Variants in RAB27B observed in about 807,000 individuals in gnomAD.
The protein encoded by RAB27B is RAB27B, member RAS oncogene family.
In RAB27B, 15 loss-of-function variants were observed where a neutral mutation model predicts 24.6. The observed-to-expected ratio is 0.61, with a 90% CI of 0.41 to 0.94. The LOEUF (loss-of-function observed/expected upper bound fraction) is 0.94, where lower values mean the gene tolerates loss of function less well. Among genes scored for constraint, RAB27B ranks in the 40% least tolerant of loss-of-function variants. The probability of loss-of-function intolerance (pLI) is 0.00; values close to 1 mark genes in which losing one functional copy is unlikely to be tolerated. For synonymous variants in RAB27B, 105 were observed against 92.5 expected, an observed-to-expected ratio of 1.14 and a Z score of -0.78; for missense variants, 261 against 266.8, an observed-to-expected ratio of 0.98 and a Z score of 0.15.
At chr18:54,823,956 C>T (rs1215931747), upstream of RAB27B, among the ~76,000 whole-genome samples, 5 of 146,074 alleles carry the variant, frequency 3.4e-5, no homozygotes, top group African/African-American at 1.3e-4. Flanking sequence ...TCCCCACAGG[C>T]AAACATTTGA....
chr18:54,797,475 C>T (rs1909460552), intron 2 of RAB27B, among the ~76,000 whole-genome samples: 1 of 152,166 alleles, frequency 6.6e-6, no homozygotes, highest in South Asian at 2.1e-4. Flanking sequence ...GAGATTGCAC[C>T]ACTGCACTCC....
At chr18:54,804,904 C>CTCTCTCTTTCTTTCTT (rs1555658012) in intron 2 of RAB27B, among the ~76,000 whole-genome samples, 33 of 48,018 alleles carry the variant, frequency 6.9e-4, no homozygotes, top group African/African-American at 1.4e-3. Context: ...CTTTCTCTCT[C>CTCTCTCTTTCTTTCTT]TCTTTCTTTC....
intron 2 of RAB27B, among the ~76,000 whole-genome samples, chr18:54,725,784 T>G (rs770137677): frequency 3.3e-5 from 5 of 151,548 alleles, no homozygotes; most frequent in Non-Finnish European, 7.4e-5. Context: ...ACCTGGTCTC[T>G]GTCACGACAT....
At chr18:54,755,358 C>G (rs1907969371) in intron 2 of RAB27B, among the ~76,000 whole-genome samples, 1 of 151,926 alleles carries the variant, frequency 6.6e-6, no homozygotes, top group Non-Finnish European at 1.5e-5. Flanking sequence ...CCAGTGCACT[C>G]CAACCTGGGC....
chr18:54,801,269 C>T (rs1212928966), intron 2 of RAB27B, among the ~76,000 whole-genome samples: 1 of 151,912 alleles, frequency 6.6e-6, no homozygotes, highest in Admixed American at 6.6e-5. Context: ...CCCATCTTGG[C>T]CTCCCAAAGT....
At chr18:54,810,689 G>T (rs1909932168) in intron 2 of RAB27B, among the ~76,000 whole-genome samples, 1 of 151,898 alleles carries the variant, frequency 6.6e-6, no homozygotes, top group African/African-American at 2.4e-5. Context: ...AATTAGCTGG[G>T]TGTGGTGGCG....
chr18:54,738,933 C>T (rs1909985017), intron 2 of RAB27B, among the ~76,000 whole-genome samples: 1 of 152,140 alleles, frequency 6.6e-6, no homozygotes, highest in Non-Finnish European at 1.5e-5. Flanking sequence ...TATCACCCCC[C>T]AAATTTCCCT....
chr18:54,769,841 A>G (rs977546766), intron 2 of RAB27B, among the ~76,000 whole-genome samples: 3 of 152,130 alleles, frequency 2.0e-5, no homozygotes, highest in Admixed American at 6.6e-5. Flanking sequence ...GAATTTAAAT[A>G]CAACTGTTAT....
At chr18:54,834,681 ATG>A (rs1555661319) in intron 1 of RAB27B, among the ~76,000 whole-genome samples, 6 of 150,028 alleles carry the variant, frequency 4.0e-5, no homozygotes, top group South Asian at 2.1e-4. Context: ...GTGTATATAT[ATG>A]TGTGTGTGTG....
rs9807275 is a variant in RAB27B at position 54,801,372 on chromosome 18, A to T, written c.-19-76195A>T. 3.3e-3 allele frequency among the ~76,000 whole-genome samples: 502 copies of T among 151,916 alleles called. 3 individuals carry two copies. The highest frequency in any genetic ancestry group is 0.011 in the African/African-American group (451 of 41,458). On this transcript the variant is annotated intron_variant, in intron 2 of 4. Coordinates refer to the RAB27B transcript ENST00000586570. The stretch of plus-strand genomic sequence containing the variant: ...TCTAAAATTCATCTTCAACATTTAT[A>T]AAAAAAACTATAAAACTGATTTACA...
chr18:54,850,333 G>GACATATAT lies in RAB27B; in HGVS notation c.-20+21634_-20+21635insCATATATA, dbSNP rs869079784. 2.8e-3 allele frequency among the ~76,000 whole-genome samples: 266 copies of GACATATAT among 95,068 alleles called. 10 individuals are homozygous for GACATATAT. The highest frequency in any genetic ancestry group is 8.2e-3 in the South Asian group (18 of 2,208). 62.4% of individuals were successfully genotyped at this position (95,068 alleles called of 152,430 possible). A position where few individuals can be genotyped will look rare whatever the true frequency, so the allele number is the denominator to read the frequency against. ...TATTTATTTAAAAGCAAACAAACAGGATATATATATATATATATATATATA... is the reference window on the plus strand; with the variant it reads ...TATTTATTTAAAAGCAAACAAACAGGACATATATATATATATATATATATATATATATA... On this transcript the variant is annotated intron_variant, in intron 1 of 5. Coordinates refer to ENST00000262094, the MANE Select transcript of RAB27B (RefSeq NM_004163.4).
intron 1 of RAB27B, among the ~76,000 whole-genome samples, chr18:54,832,453 C>G (rs1910719595): frequency 6.6e-6 from 1 of 152,110 alleles, no homozygotes; most frequent in African/African-American, 2.4e-5. Context: ...TTTCAACATC[C>G]AAGTGGAATT....
intron 2 of RAB27B, among the ~76,000 whole-genome samples, chr18:54,810,833 A>T (rs886573752): frequency 7.1e-6 from 1 of 140,182 alleles, no homozygotes; most frequent in Non-Finnish European, 1.5e-5. Flanking sequence ...ACCCTGTCTC[A>T]AAATAAATAA....
At chr18:54,818,328 GTATAT>G (rs3060011) in intron 2 of RAB27B, among the ~76,000 whole-genome samples, 39,100 of 151,776 alleles carry the variant, frequency 0.26, 5,461 homozygotes, top group African/African-American at 0.36. Context: ...AATCAAACTA[GTATAT>G]TATATCCTGT....
chr18:54,780,150 T>C, intron 2 of RAB27B, among the ~76,000 whole-genome samples: 1 of 133,074 alleles, frequency 7.5e-6, no homozygotes, highest in Non-Finnish European at 1.6e-5. Flanking sequence ...TCACCCTGTC[T>C]CCCCTTTGCT....
intron 2 of RAB27B, among the ~76,000 whole-genome samples, chr18:54,821,438 T>C (rs1910307149): frequency 6.6e-6 from 1 of 152,144 alleles, no homozygotes; most frequent in African/African-American, 2.4e-5. Context: ...GAAGAATCAA[T>C]ATCGTGAAAA....
chr18:54,818,740 A>T (rs1425138667), intron 2 of RAB27B, among the ~76,000 whole-genome samples: 1 of 152,166 alleles, frequency 6.6e-6, no homozygotes, highest in African/African-American at 2.4e-5. Context: ...AATGCTCTAT[A>T]ACAACGTGAC....
At position 54,892,749 on chromosome 18, in the gene RAB27B, G is replaced by A. The variant is rs1913418623; in HGVS notation, c.*3336G>A. On this transcript the variant is annotated 3_prime_UTR_variant, in exon 6 of 6. Coordinates refer to ENST00000262094, the MANE Select transcript of RAB27B (RefSeq NM_004163.4). ...TTTTCGTATTATCAGCTATCGCCCTGTAAAATATTCAAAACTAGCTATTTC... is the reference window on the plus strand; with the variant it reads ...TTTTCGTATTATCAGCTATCGCCCTATAAAATATTCAAAACTAGCTATTTC... 6.6e-6 allele frequency: 1 copy of A among 151,976 alleles called. No individual in the cohort carries two copies. The highest frequency in any genetic ancestry group is 1.5e-5 in the Non-Finnish European group (1 of 67,958). 9.4% of individuals were successfully genotyped at this position (151,976 alleles called of 1,614,324 possible).
chr18:54,864,132 A>G (rs1201685560), intron 1 of RAB27B, among the ~76,000 whole-genome samples: 1 of 151,580 alleles, frequency 6.6e-6, no homozygotes, highest in Non-Finnish European at 1.5e-5. Flanking sequence ...CCCACCAGCA[A>G]TATAGGAGGG....
Sources: gnomAD v4.1 joint callset for allele counts (sites outside exome capture counted in the v4.1 genomes callset) on GRCh38, gnomAD v4.1.1 for gene constraint, MANE v1.5 for transcripts, NCBI Gene and HGNC (gene_info 2026-07-23, HGNC 2026-07-21) for gene names.